ARHGAP28: variants seen among roughly 807,000 people sequenced by gnomAD.
ARHGAP28 encodes the protein Rho GTPase activating protein 28.
A neutral mutation model predicts 90.7 loss-of-function variants in ARHGAP28; 56 were observed. The ratio of observed to expected loss-of-function variants is 0.62; its 90% CI spans 0.50 to 0.77. The LOEUF is 0.77. ARHGAP28 is among the 30% of genes least tolerant of loss of function. The pLI, the probability that ARHGAP28 is intolerant of heterozygous loss-of-function variation, is 0.00. For missense variants in ARHGAP28, 869 were observed against 900.9 expected, an observed-to-expected ratio of 0.96 and a Z score of 0.45; for synonymous variants, 308 against 323.3, an observed-to-expected ratio of 0.95 and a Z score of 0.51.
intron 1 of ARHGAP28, among the ~76,000 whole-genome samples, chr18:6,751,005 CCT>C (rs776524105): frequency 1.3e-5 from 2 of 152,044 alleles, no homozygotes; most frequent in Non-Finnish European, 2.9e-5. Flanking sequence ...TGATGTTACT[CCT>C]CTGTAGCTGA....
chr18:6,909,248 G>GTCTTT lies in ARHGAP28; in HGVS notation c.2095+245_2095+249dup, dbSNP rs1172759953. Among the ~76,000 whole-genome samples, 230 of 121,370 alleles carry GTCTTT rather than the reference G, an allele frequency of 1.9e-3. 4 individuals carry two copies. The highest frequency in any genetic ancestry group is 6.4e-3 in the African/African-American group (208 of 32,634). 79.6% of individuals were successfully genotyped at this position (121,370 alleles called of 152,430 possible). Reference sequence around the variant, plus strand: ...TAATGTTGATATGGAGTAGGCTTGGGTCTTTTCTTTTCTTTTCTTTTCTTT... The same window carrying GTCTTT: ...TAATGTTGATATGGAGTAGGCTTGGGTCTTTTCTTTTCTTTTCTTTTCTTTTCTTT... On this transcript the variant is annotated intron_variant, in intron 17 of 17. Transcript: ENST00000383472.
intron 1 of ARHGAP28, among the ~76,000 whole-genome samples, chr18:6,766,202 A>C (rs552692568): frequency 6.6e-6 from 1 of 152,180 alleles, no homozygotes; most frequent in South Asian, 2.1e-4. Flanking sequence ...GAGTGTTGAA[A>C]TCTCCAACTA....
chr18:6,826,706 T>TTA (rs71163301), intron 2 of ARHGAP28, among the ~76,000 whole-genome samples: 9 of 146,342 alleles, frequency 6.1e-5, no homozygotes, highest in Non-Finnish European at 1.2e-4. Flanking sequence ...TTTTTTTTTT[T>TTA]ATTGATCATT....
In ARHGAP28 at chr18:6,892,078, A is replaced by G. The variant is rs540899525; in HGVS notation, c.1848+1535A>G. Among the ~76,000 whole-genome samples the G allele has an allele frequency of 5.3e-5, 8 of 152,286 alleles. 1 individual carries two copies. In the East Asian group the frequency reaches 1.5e-3, roughly 29 times the overall value. On this transcript the variant is annotated intron_variant, in intron 14 of 17. Transcript: ENST00000383472. ...TGACTTCATATCAAGTAGAACCAATACTTTTATTTAGAAATGAAATTTTAA... is the reference window on the plus strand; with the variant it reads ...TGACTTCATATCAAGTAGAACCAATGCTTTTATTTAGAAATGAAATTTTAA...
At chr18:6,824,680 A>C in intron 1 of ARHGAP28, 82 bp from the exon 2 acceptor site, 1 of 1,195,848 alleles carries the variant, frequency 8.4e-7, no homozygotes, top group Non-Finnish European at 1.1e-6. Context: ...TTAATTAATT[A>C]AACTTAATTA....
At chr18:6,908,898 T>A (rs777262372) in intron 16 of ARHGAP28, 62 bp from the exon 17 acceptor site, 7 of 963,972 alleles carry the variant, frequency 7.3e-6, no homozygotes, top group Non-Finnish European at 1.1e-5. Flanking sequence ...TTATTTAACA[T>A]GCATTTTTAC....
intron 14 of ARHGAP28, among the ~76,000 whole-genome samples, chr18:6,890,961 A>G (rs1469229265): frequency 6.6e-6 from 1 of 152,162 alleles, no homozygotes; most frequent in African/African-American, 2.4e-5. Flanking sequence ...TATTTTGTGT[A>G]ACTTCATTGC....
At chr18:6,803,286 C>T (rs997071540) in intron 1 of ARHGAP28, among the ~76,000 whole-genome samples, 7 of 152,156 alleles carry the variant, frequency 4.6e-5, no homozygotes, top group African/African-American at 1.7e-4. Context: ...AATTTTTTTA[C>T]AGGAAAGGAT....
chr18:6,771,964 A>G (rs1013441279), intron 1 of ARHGAP28, among the ~76,000 whole-genome samples: 2 of 152,220 alleles, frequency 1.3e-5, no homozygotes, highest in Non-Finnish European at 2.9e-5. Flanking sequence ...ATCATTACAC[A>G]TTCTATGCAT....
At chr18:6,741,019 C>A (rs2055972534) in intron 1 of ARHGAP28, among the ~76,000 whole-genome samples, 1 of 152,148 alleles carries the variant, frequency 6.6e-6, no homozygotes, top group South Asian at 2.1e-4. Flanking sequence ...GGGTATGGAG[C>A]TAGAGAAAAG....
At chr18:6,821,635 T>C (rs2056627546) in intron 1 of ARHGAP28, among the ~76,000 whole-genome samples, 1 of 152,190 alleles carries the variant, frequency 6.6e-6, no homozygotes, top group Non-Finnish European at 1.5e-5. Flanking sequence ...CAAGTGCTCT[T>C]ATCCCCAAAA....
chr18:6,829,834 T>G (rs542123034), intron 2 of ARHGAP28, among the ~76,000 whole-genome samples: 1 of 152,358 alleles, frequency 6.6e-6, no homozygotes, highest in Admixed American at 6.5e-5. Flanking sequence ...TTACTAGGGC[T>G]GCTGTAACAA....
Position 6,824,776 on chromosome 18 carries a change from G to A in ARHGAP28, c.137G>A (p.Arg46His), listed in dbSNP as rs541347505. The change falls in exon 2 of 18, where the codon CGC (arginine) becomes CAC (histidine). Residue 46 changes from arginine (R) to histidine (H), a missense_variant. Arg to His is a conservative substitution (Grantham distance 29). Transcript: ENST00000383472. ...SHPLSRKSIP[R>H]CRRINRMLSN... is the part of the protein sequence containing the mutation. ...TCTTTCCTCAGAAAATCCATTCCTC[G>A]CTGCCGAAGAATTAACAGGATGCTC... The A allele has an allele frequency of 1.9e-5, 29 of 1,533,924 alleles. No homozygotes were observed. Among genetic ancestry groups the A allele is most frequent in the Middle Eastern group, 1.7e-4 (1 of 5,986 alleles).
rs143635016 is a variant in ARHGAP28, at chr18:6,861,628, G to A, written c.726+1731G>A. Among the ~76,000 whole-genome samples the A allele has an allele frequency of 7.0e-3, 1,063 of 152,288 alleles. 7 individuals are homozygous for A. The highest frequency in any genetic ancestry group is 0.011 in the Non-Finnish European group (779 of 68,028). ...CATGCACACACCACCAGAACTTGGA[G>A]GAGGATGATTGTATGATTGAGTTGC... On this transcript the variant is annotated intron_variant, in intron 5 of 17. Transcript: ENST00000383472.
chr18:6,913,224 ACT>A lies in ARHGAP28; in HGVS notation c.*1071_*1072del, dbSNP rs1318292584. On this transcript the variant is annotated 3_prime_UTR_variant, in exon 18 of 18. Coordinates refer to ENST00000383472, the MANE Select transcript of ARHGAP28 (RefSeq NM_001366230.1). ...CAGATGCATGTCTGGTAAGATGACCACTGTCTCACTATCAAGAGCCTGCAGAG... is the reference window on the plus strand; with the variant it reads ...CAGATGCATGTCTGGTAAGATGACCAGTCTCACTATCAAGAGCCTGCAGAG... 1 of 152,184 alleles carries A rather than the reference ACT, an allele frequency of 6.6e-6. No homozygotes were observed. Among genetic ancestry groups the A allele is most frequent in the Non-Finnish European group, 1.5e-5 (1 of 68,040 alleles). The allele number at this position is 152,184 out of a possible 1,614,324, so 9.4% of individuals were successfully genotyped here.
intron 4 of ARHGAP28, 72 bp from the exon 5 acceptor site, chr18:6,859,736 C>T (rs2056982884): frequency 7.0e-7 from 1 of 1,427,524 alleles, no homozygotes; most frequent in East Asian, 2.3e-5. Context: ...AGTATGAACA[C>T]AGAGCAGAAT....
At chr18:6,753,971 T>TA (rs1378171486) in intron 1 of ARHGAP28, among the ~76,000 whole-genome samples, 21 of 152,366 alleles carry the variant, frequency 1.4e-4, no homozygotes, top group African/African-American at 5.0e-4. Context: ...TCTTCAGTAT[T>TA]ACATCAATAG....
intron 1 of ARHGAP28, chr18:6,789,875 T>TA (rs1039861770): frequency 6.6e-6 from 1 of 151,892 alleles, no homozygotes; most frequent in Non-Finnish European, 1.5e-5. Context: ...TCGCCCAGGC[T>TA]AAAGCACAGT....
chr18:6,765,393 A>G (rs1323781185), intron 1 of ARHGAP28, among the ~76,000 whole-genome samples: 1 of 152,162 alleles, frequency 6.6e-6, no homozygotes, highest in Non-Finnish European at 1.5e-5. Context: ...TCCATTTCAT[A>G]TAAGCTGTTG....
Sources: gnomAD v4.1 joint callset for allele counts (sites outside exome capture counted in the v4.1 genomes callset) on GRCh38, gnomAD v4.1.1 for gene constraint, MANE v1.5 for transcripts, NCBI Gene and HGNC (gene_info 2026-07-23, HGNC 2026-07-21) for gene names.